PCDH15: variants seen among roughly 807,000 people sequenced by gnomAD.
PCDH15 encodes the protein protocadherin related 15.
In PCDH15, 129 loss-of-function variants were observed where a neutral mutation model predicts 178.5. That is an observed-to-expected ratio of 0.72 (90% CI 0.63 to 0.84). The LOEUF is 0.84. PCDH15 is among the 40% of genes least tolerant of loss of function. PCDH15 has a pLI of 0.00. For synonymous variants in PCDH15, 800 were observed against 732.0 expected (o/e 1.09, Z -1.50); for missense variants, 2,230 against 2,099.9 (o/e 1.06, Z -1.21).
chr10:55,226,005 G>C (rs1457654609), intron 1 of PCDH15, among the ~76,000 whole-genome samples: 6 of 152,078 alleles, frequency 3.9e-5, no homozygotes, highest in Admixed American at 2.0e-4. Context: ...TGCTGAGTTA[G>C]AGTTCTGTCT....
chr10:54,652,594 A>G (rs1367906002), intron 2 of PCDH15, among the ~76,000 whole-genome samples: 1 of 152,182 alleles, frequency 6.6e-6, no homozygotes, highest in Admixed American at 6.5e-5. Flanking sequence ...TTGAAGAGAT[A>G]ATTAAGTTAA....
intron 1 of PCDH15, among the ~76,000 whole-genome samples, chr10:55,187,985 G>C (rs1306426735): frequency 1.3e-5 from 2 of 151,928 alleles, no homozygotes; most frequent in Non-Finnish European, 2.9e-5. Context: ...AGGACGCTAT[G>C]GCAATGGTCC....
At chr10:55,050,078 A>C (rs983310198) in intron 2 of PCDH15, among the ~76,000 whole-genome samples, 1 of 152,050 alleles carries the variant, frequency 6.6e-6, no homozygotes, top group African/African-American at 2.4e-5. Flanking sequence ...TATGTAGTCT[A>C]TTCAGTTTGG....
At chr10:55,194,880 T>C (rs189853812) in intron 1 of PCDH15, among the ~76,000 whole-genome samples, 4 of 152,182 alleles carry the variant, frequency 2.6e-5, no homozygotes, top group African/African-American at 9.6e-5. Flanking sequence ...TGTCTCACCT[T>C]CTCTATATGT....
intron 2 of PCDH15, among the ~76,000 whole-genome samples, chr10:54,976,509 G>T (rs1285901857): frequency 6.6e-6 from 1 of 152,146 alleles, no homozygotes; most frequent in East Asian, 1.9e-4. Context: ...AATACTAAGG[G>T]TGTGGAAAAC....
intron 3 of PCDH15, among the ~76,000 whole-genome samples, chr10:54,479,222 A>C (rs2078513489): frequency 6.6e-6 from 1 of 152,070 alleles, no homozygotes; most frequent in Non-Finnish European, 1.5e-5. Flanking sequence ...TTTTGAATTT[A>C]GTGAATTTAC....
chr10:55,210,978 C>G (rs1406442005), intron 1 of PCDH15, among the ~76,000 whole-genome samples: 1 of 151,874 alleles, frequency 6.6e-6, no homozygotes, highest in Non-Finnish European at 1.5e-5. Flanking sequence ...TCCCTGTAAC[C>G]CCCTTGAAAC....
chr10:54,675,466 T>G (rs558546051), intron 1 of PCDH15, among the ~76,000 whole-genome samples: 2 of 151,532 alleles, frequency 1.3e-5, no homozygotes, highest in Admixed American at 6.6e-5. Flanking sequence ...TGTTGTTTTT[T>G]TTTTTTTTTT....
intron 2 of PCDH15, among the ~76,000 whole-genome samples, chr10:54,921,847 G>C (rs1391093203): frequency 6.6e-6 from 1 of 152,066 alleles, no homozygotes; most frequent in Non-Finnish European, 1.5e-5. Context: ...AGCATCTCTG[G>C]GGAGGCCTCG....
At chr10:55,397,855 T>C (rs1287904151) in intron 2 of PCDH15, among the ~76,000 whole-genome samples, 1 of 151,834 alleles carries the variant, frequency 6.6e-6, no homozygotes, top group African/African-American at 2.4e-5. Context: ...TCTCAAAGTG[T>C]TGGGATTACA....
At chr10:54,011,950 A>G (rs1258247686) in intron 20 of PCDH15, among the ~76,000 whole-genome samples, 1 of 152,226 alleles carries the variant, frequency 6.6e-6, no homozygotes, top group Admixed American at 6.5e-5. Context: ...AATAGTTGAA[A>G]TGAAAGAAAT....
chr10:54,837,046 G>A (rs1953329463), intron 3 of PCDH15, among the ~76,000 whole-genome samples: 5 of 152,002 alleles, frequency 3.3e-5, no homozygotes, highest in Admixed American at 1.3e-4. Flanking sequence ...AGAAATGTTA[G>A]ATATAAATGA....
chr10:54,760,085 A>T (rs538459934), intron 1 of PCDH15, among the ~76,000 whole-genome samples: 1 of 152,304 alleles, frequency 6.6e-6, no homozygotes, highest in Non-Finnish European at 1.5e-5. Flanking sequence ...GCTCAAAACC[A>T]TTCATTGAAG....
intron 21 of PCDH15, among the ~76,000 whole-genome samples, chr10:53,963,863 G>A (rs1279287197): frequency 6.6e-6 from 1 of 151,918 alleles, no homozygotes; most frequent in East Asian, 1.9e-4. Flanking sequence ...TTGACTTTCT[G>A]CTTCCATTGT....
intron 2 of PCDH15, among the ~76,000 whole-genome samples, chr10:54,934,828 C>A (rs919402342): frequency 1.3e-5 from 2 of 151,800 alleles, no homozygotes; most frequent in African/African-American, 4.8e-5. Context: ...TGGAACCAAC[C>A]CAAATGTCCA....
At chr10:54,074,867 TG>T (rs2094311370) in intron 17 of PCDH15, among the ~76,000 whole-genome samples, 1 of 152,024 alleles carries the variant, frequency 6.6e-6, no homozygotes, top group Non-Finnish European at 1.5e-5. Context: ...ATGTTGTTGT[TG>T]TTGTTTTGTT....
intron 32 of PCDH15, chr10:53,821,392 A>G (rs1013801258): frequency 1.0e-6 from 1 of 995,220 alleles, no homozygotes; most frequent in African/African-American, 1.7e-5. Flanking sequence ...TCTTCTTACC[A>G]AATACATAGG....
chr10:55,047,619 C>A (rs879689026), intron 2 of PCDH15, among the ~76,000 whole-genome samples: 4 of 151,694 alleles, frequency 2.6e-5, no homozygotes, highest in Non-Finnish European at 5.9e-5. Context: ...TGGAGAGATG[C>A]AAGGGTACTT....
chr10:54,838,486 A>T (rs979551828), intron 3 of PCDH15, among the ~76,000 whole-genome samples: 16 of 152,276 alleles, frequency 1.1e-4, no homozygotes, highest in African/African-American at 3.4e-4. Flanking sequence ...GCAATGGAGA[A>T]CTGTGAGTCC....
Sources: allele counts gnomAD v4.1 joint callset (sites outside exome capture counted in the v4.1 genomes callset), GRCh38; gene constraint gnomAD v4.1.1; transcripts MANE v1.5; gene names NCBI Gene and HGNC (gene_info 2026-07-23, HGNC 2026-07-21).